Variants in CDHR5 observed in about 807,000 individuals in gnomAD.
The protein encoded by CDHR5 is cadherin-related family member 5.
A neutral mutation model predicts 69.5 loss-of-function variants in CDHR5; 82 were observed. That is an observed-to-expected ratio of 1.18 (90% CI 0.99 to 1.42). CDHR5 has a LOEUF of 1.42. Among genes scored for constraint, CDHR5 ranks in the 40% most tolerant of loss-of-function variants. The pLI is 0.00. For missense variants in CDHR5, 1,293 were observed against 1,168.9 expected (o/e 1.11, Z -1.55); for synonymous variants, 601 against 510.2 (o/e 1.18, Z -2.40).
intron 11 of CDHR5, 34 bp from the exon 12 acceptor site, chr11:619,424 C>A: frequency 1.2e-6 from 2 of 1,608,018 alleles, no homozygotes; most frequent in Non-Finnish European, 1.7e-6. Context: ...CTCCTAGACA[C>A]ATCTTTAAGC....
At position 619,681 on chromosome 11, in the gene CDHR5, C is replaced by T. The variant is rs372772878; in HGVS notation, c.1179G>A (p.Ser393=). 2.2e-5 allele frequency: 36 copies of T among 1,613,170 alleles called. No homozygotes were observed. Among genetic ancestry groups the T allele is most frequent in the African/African-American group, 6.7e-5 (5 of 74,912 alleles). ...LRIQAQDPEF[S]DLNSAITYRI... ...GGGAGGCCTTGGATGCACTCTCTACCGAGAACTCCGGGTCCTGAGCCTGGA... is the reference window on the plus strand; with the variant it reads ...GGGAGGCCTTGGATGCACTCTCTACTGAGAACTCCGGGTCCTGAGCCTGGA... Residue 393 remains serine, a splice_region_variant and synonymous_variant, in exon 10 of 15, where the codon TCG becomes TCA. Coordinates refer to ENST00000397542, the MANE Select transcript of CDHR5 (RefSeq NM_021924.5).
rs1564891412 is a variant in CDHR5, at chr11:617,609, C to T, written c.2280G>A (p.Glu760=). ...CGCCAGCTCGGGCCGCTGCGGGGGG[C>T]TCAGGGGCACCGCCTGGGGAGGCAG... is the stretch of plus-strand genomic sequence containing the variant. ...PGPASPGGAP[E]PPAAARAGGS... The change falls in exon 15 of 15, where the codon GAG becomes GAA. Residue 760 remains glutamate, a synonymous_variant. Transcript: ENST00000397542. 6.9e-6 allele frequency: 11 copies of T among 1,602,054 alleles called. No homozygotes were observed. Among genetic ancestry groups the T allele is most frequent in the Non-Finnish European group, 7.7e-6 (9 of 1,174,740 alleles).
chr11:619,126 G>A lies in CDHR5; in HGVS notation c.1433C>T (p.Thr478Ile), dbSNP rs1159215056. The change falls in exon 13 of 15, where the codon ACT becomes ATT. Residue 478 changes from threonine (T) to isoleucine (I), a missense_variant. By Grantham distance (89) the Thr-to-Ile change is moderately conservative. Transcript: ENST00000397542. ...GGTTGPWTST[T>I]SEVPRPPEPS... ...CTCAGGGGGTCTGGGGACCTCGGAA[G>A]TGGTGCTGGTCCAGGGCCCAGTTGT... The A allele has an allele frequency of 1.3e-6, 2 of 1,593,516 alleles. No homozygotes were observed. Among genetic ancestry groups the A allele is most frequent in the African/African-American group, 2.7e-5 (2 of 74,182 alleles).
In CDHR5 at chr11:619,491, C is replaced by T; in HGVS notation, c.1276G>A (p.Gly426Arg). The change falls in exon 11 of 15, where the codon GGA becomes AGA. Residue 426 changes from glycine (G) to arginine (R), a missense_variant. Physicochemically the swap from Gly to Arg is moderately radical, Grantham distance 125 (BLOSUM62 -2). Coordinates refer to ENST00000397542, the MANE Select transcript of CDHR5 (RefSeq NM_021924.5). ...VLTTTTLAQA[G>R]AFYAEVEAHN... is the part of the protein sequence containing the mutation. ...CCCCGCACCTCTGCGTAGAAGGCTC[C>T]CGCCTGTGCCAGTGTGGTGGTGGTC... 6.2e-7 allele frequency: 1 copy of T among 1,613,466 alleles called. No individual in the cohort carries two copies. Among genetic ancestry groups the T allele is most frequent in the Non-Finnish European group, 8.5e-7 (1 of 1,179,464 alleles).
In CDHR5 at chr11:621,098, G is replaced by T; in HGVS notation, c.771C>A (p.Val257=). The change falls in exon 7 of 15, where the codon GTC becomes GTA. Residue 257 remains valine (V), a synonymous_variant. Coordinates refer to ENST00000397542, the MANE Select transcript of CDHR5 (RefSeq NM_021924.5). The surrounding 1 kb of genome is among the most constrained non-coding windows in gnomAD (Gnocchi z 4.4). ...CCATTACCAGTATGTGCCCCGTGGG[G>T]ACAGCCCCGTGGTACTGAGCTTGAA... ...VCIQAQYHGA[V]PTGHILPSPL... 1 of 1,549,202 alleles carries T rather than the reference G, an allele frequency of 6.5e-7. No individual in the cohort carries two copies. Among genetic ancestry groups the T allele is most frequent in the Admixed American group, 1.9e-5 (1 of 52,132 alleles).
rs1856964043 is a variant in CDHR5 at position 617,232 on chromosome 11, GCC to G, written c.*117_*118del. The G allele has an allele frequency of 2.6e-6, 2 of 767,604 alleles. No homozygotes were observed. Among genetic ancestry groups the G allele is most frequent in the East Asian group, 5.4e-5 (2 of 37,050 alleles). 47.5% of individuals were successfully genotyped at this position (767,604 alleles called of 1,614,324 possible). On this transcript the variant is annotated 3_prime_UTR_variant, in exon 15 of 15. Coordinates refer to ENST00000397542, the MANE Select transcript of CDHR5 (RefSeq NM_021924.5). The stretch of plus-strand genomic sequence containing the variant: ...GAATGGGACCCCCATGGACCCGCGC[GCC>G]TGCCCCACGCCATGGCCTGGGTTTC...
chr11:621,625 T>C lies in CDHR5; in HGVS notation c.444A>G (p.Gln148=), dbSNP rs757079980. The change falls in exon 5 of 15, where the codon CAA becomes CAG. Residue 148 remains glutamine, a synonymous_variant. Transcript: ENST00000397542. The surrounding 1 kb of genome is among the most constrained non-coding windows in gnomAD (Gnocchi z 4.4). ...CCTTGTCGCGGTCCTCAGCCTGCAG[T>C]TGCGTCTCGGGGATGACGGTGGAGT... ...KVNSTVIPET[Q]LQAEDRDKDD... 3 of 1,613,744 alleles carry C rather than the reference T, an allele frequency of 1.9e-6. No individual in the cohort carries two copies. The highest frequency in any genetic ancestry group is 1.7e-5 in the Admixed American group (1 of 59,990).
In CDHR5 at chr11:617,205, GTGAA is replaced by G. The variant is rs1856960629; in HGVS notation, c.*142_*145del. On this transcript the variant is annotated 3_prime_UTR_variant, in exon 15 of 15. Coordinates refer to ENST00000397542, the MANE Select transcript of CDHR5 (RefSeq NM_021924.5). ...AGCGCTAATGACGACAGGGGACTGA[GTGAA>G]TGGGACCCCCATGGACCCGCGCGCC... is the stretch of plus-strand genomic sequence containing the variant. 4.7e-6 allele frequency: 3 copies of G among 644,252 alleles called. No homozygotes were observed. Among genetic ancestry groups the G allele is most frequent in the South Asian group, 3.9e-5 (2 of 51,512 alleles). 39.9% of individuals were successfully genotyped at this position (644,252 alleles called of 1,614,324 possible). A position where few individuals can be genotyped will look rare whatever the true frequency, so the allele number is the denominator to read the frequency against.
At position 624,939 on chromosome 11, in the gene CDHR5, G is replaced by T; in HGVS notation, c.-37C>A. 4 of 1,498,546 alleles carry T rather than the reference G, an allele frequency of 2.7e-6. No individual in the cohort carries two copies. The highest frequency in any genetic ancestry group is 2.1e-5 in the Admixed American group (1 of 48,090). 92.8% of individuals were successfully genotyped at this position (1,498,546 alleles called of 1,614,324 possible). A position where few individuals can be genotyped will look rare whatever the true frequency, so the allele number is the denominator to read the frequency against. On this transcript the variant is annotated 5_prime_UTR_variant, in exon 1 of 15. Coordinates refer to ENST00000397542, the MANE Select transcript of CDHR5 (RefSeq NM_021924.5). This position sits in a 1 kb window ranked among gnomAD's most constrained non-coding sequence, Gnocchi z 5.3. ...TCACCTGGCAGGAGGGTCTGAGCGG[G>T]TCTGGCGTCTAGGACTGGCGCAGTT...
rs1454827149 is a variant in CDHR5 at position 619,835 on chromosome 11, A to G, written c.1025T>C (p.Val342Ala). The change falls in exon 10 of 15, where the codon GTG becomes GCG. Residue 342 changes from valine to alanine, a missense_variant. Transcript: ENST00000397542. ...LARYSVTQVT[V>A]EAVAAAGSPP... ...GCTCCCGGCCGCAGCCACAGCCTCCACGGTGACCTGGGTCACTGAGTAGCG... is the reference window on the plus strand; with the variant it reads ...GCTCCCGGCCGCAGCCACAGCCTCCGCGGTGACCTGGGTCACTGAGTAGCG... 6.4e-7 allele frequency: 1 copy of G among 1,569,300 alleles called. No homozygotes were observed. The highest frequency in any genetic ancestry group is 8.6e-7 in the Non-Finnish European group (1 of 1,161,600).
Position 624,790 on chromosome 11 carries a change from T to G in CDHR5, c.85+28A>C. On this transcript the variant is annotated intron_variant, in intron 1 of 14. Coordinates refer to ENST00000397542, the MANE Select transcript of CDHR5 (RefSeq NM_021924.5). The surrounding 1 kb of genome is among the most constrained non-coding windows in gnomAD (Gnocchi z 5.3). The stretch of plus-strand genomic sequence containing the variant: ...CCAGCCCCTGGCTCCCCGCCGCCCG[T>G]GCCCCACCTACCCCTGCCCGCACAT... 2 of 1,606,214 alleles carry G rather than the reference T, an allele frequency of 1.2e-6. No homozygotes were observed. Among genetic ancestry groups the G allele is most frequent in the Non-Finnish European group, 8.5e-7 (1 of 1,175,272 alleles).
Position 621,215 on chromosome 11 carries a change from AG to A in CDHR5, c.653del (p.Thr218MetfsTer6). 1 of 1,598,728 alleles carries A rather than the reference AG, an allele frequency of 6.3e-7. No homozygotes were observed. The highest frequency in any genetic ancestry group is 8.5e-7 in the Non-Finnish European group (1 of 1,170,988). ...CGTTCAGCACTAGTGTGGCGGTGGC[AG>A]TGTGGCTGGGTTCCACATTCTCCCC... ...TPGENVEPSHTATATLVLNVV... is the reference protein window; with the variant it reads ...TPGENVEPSHXATATLVLNVV... On this transcript the variant is annotated frameshift_variant, in exon 7 of 15. Coordinates refer to ENST00000397542, the MANE Select transcript of CDHR5 (RefSeq NM_021924.5). LOFTEE classifies it high-confidence loss of function. This position sits in a 1 kb window ranked among gnomAD's most constrained non-coding sequence, Gnocchi z 4.4.
intron 3 of CDHR5, among the ~76,000 whole-genome samples, chr11:622,627 C>T (rs1857479085): frequency 6.6e-6 from 1 of 152,106 alleles, no homozygotes; most frequent in East Asian, 1.9e-4. Context: ...AGGTGCCTGC[C>T]ACCATGCCCA....
chr11:617,723 G>C lies in CDHR5; in HGVS notation c.2166C>G (p.His722Gln). 6.8e-7 allele frequency: 1 copy of C among 1,461,418 alleles called. No individual in the cohort carries two copies. Among genetic ancestry groups the C allele is most frequent in the Middle Eastern group, 1.9e-4 (1 of 5,390 alleles). 90.5% of individuals were successfully genotyped at this position (1,461,418 alleles called of 1,614,324 possible). The stretch of plus-strand genomic sequence containing the variant: ...TGGGGACGGGCGCCCAGTTGGCCTT[G>C]TGGTCAGGGAGGAACGCCTGGTTGT... ...GFDNQAFLPD[H>Q]KANWAPVPSP... The change falls in exon 15 of 15, where the codon CAC (histidine) becomes CAG (glutamine). Residue 722 changes from histidine (H) to glutamine (Q), a missense_variant. Physicochemically the swap from His to Gln is conservative, Grantham distance 24. Transcript: ENST00000397542.
At position 617,449 on chromosome 11, in the gene CDHR5, C is replaced by T; in HGVS notation, c.2440G>A (p.Asp814Asn). ...CCGCTGCCGGAGTCACTGGCGCCAT[C>T]CACGTCCAGGGTGGGCGCGTTGAGA... ...VVLNAPTLDV[D>N]GASDSGSGDE... Residue 814 changes from aspartate to asparagine, a missense_variant, in exon 15 of 15, where the codon GAT (aspartate) becomes AAT (asparagine). Coordinates refer to ENST00000397542, the MANE Select transcript of CDHR5 (RefSeq NM_021924.5). The T allele has an allele frequency of 6.2e-7, 1 of 1,612,588 alleles. No homozygotes were observed. Among genetic ancestry groups the T allele is most frequent in the Non-Finnish European group, 8.5e-7 (1 of 1,179,780 alleles).
Position 619,594 on chromosome 11 carries a change from A to C in CDHR5, c.1180-7T>G. The C allele has an allele frequency of 6.2e-7, 1 of 1,610,202 alleles. No homozygotes were observed. The highest frequency in any genetic ancestry group is 8.5e-7 in the Non-Finnish European group (1 of 1,176,576). ...TGATGGCCGAGTTGAGGTCCTGGACAGGGTCTCATTGAGTCCCCGGCCAGG... is the reference window on the plus strand; with the variant it reads ...TGATGGCCGAGTTGAGGTCCTGGACCGGGTCTCATTGAGTCCCCGGCCAGG... On this transcript the variant is annotated splice_region_variant and splice_polypyrimidine_tract_variant and intron_variant, in intron 10 of 14. Transcript: ENST00000397542.
Position 624,351 on chromosome 11 carries a change from C to A in CDHR5, c.262-88G>T. 1.4e-6 allele frequency: 1 copy of A among 732,780 alleles called. No individual in the cohort carries two copies. Among genetic ancestry groups the A allele is most frequent in the East Asian group, 2.6e-5 (1 of 37,742 alleles). The allele number at this position is 732,780 out of a possible 1,614,324, so 45.4% of individuals were successfully genotyped here. ...GTGGGCAGGCGCTGGCCCAGGGTCCCCATCATCAGTGGTCAGTGCTGAGGG... is the reference window on the plus strand; with the variant it reads ...GTGGGCAGGCGCTGGCCCAGGGTCCACATCATCAGTGGTCAGTGCTGAGGG... On this transcript the variant is annotated intron_variant, in intron 2 of 14. Coordinates refer to ENST00000397542, the MANE Select transcript of CDHR5 (RefSeq NM_021924.5). The surrounding 1 kb of genome is among the most constrained non-coding windows in gnomAD (Gnocchi z 5.3).
rs752124353 is a variant in CDHR5, at chr11:621,814, C to T, written c.403G>A (p.Glu135Lys). Residue 135 changes from glutamate (E) to lysine (K), a missense_variant and splice_region_variant, in exon 4 of 15, where the codon GAG (glutamate) becomes AAG (lysine). Physicochemically the swap from Glu to Lys is moderately conservative, Grantham distance 56. Coordinates refer to ENST00000397542, the MANE Select transcript of CDHR5 (RefSeq NM_021924.5). The surrounding 1 kb of genome is among the most constrained non-coding windows in gnomAD (Gnocchi z 4.4). Reference protein sequence around the residue: ...PFKTKEIRVEEDTKVNSTVIP... With the variant: ...PFKTKEIRVEKDTKVNSTVIP... Reference sequence around the variant, plus strand: ...CCCCGCGGCTTCGCTGGCCTCACCTCCTCCACCCTTATCTCCTTGGTCTTA... The same window carrying T: ...CCCCGCGGCTTCGCTGGCCTCACCTTCTCCACCCTTATCTCCTTGGTCTTA... The T allele has an allele frequency of 3.7e-6, 6 of 1,612,776 alleles. No homozygotes were observed. Among genetic ancestry groups the T allele is most frequent in the Admixed American group, 1.7e-5 (1 of 59,976 alleles).
In CDHR5 at chr11:618,014, G is replaced by A. The variant is rs377660837; in HGVS notation, c.2058C>T (p.Leu686=). Residue 686 remains leucine (L), a synonymous_variant, in exon 14 of 15, where the codon CTC becomes CTT. Coordinates refer to ENST00000397542, the MANE Select transcript of CDHR5 (RefSeq NM_021924.5). ...CATAGTGCTTGTGGACAAGGACGGC[G>A]AGGCCAAGGAGAGCCAGCAGCAGCA... ...GALLLLALLG[L]AVLVHKHYGP... is the part of the protein sequence containing the mutation. The A allele has an allele frequency of 8.7e-6, 14 of 1,612,360 alleles. No individual in the cohort carries two copies. The highest frequency in any genetic ancestry group is 1.6e-4 in the Middle Eastern group (1 of 6,062).
Sources: gnomAD v4.1 joint callset for allele counts (sites outside exome capture counted in the v4.1 genomes callset) on GRCh38, gnomAD v4.1.1 for gene constraint, Gnocchi (gnomAD v3.1) non-coding constraint, MANE v1.5 for transcripts, NCBI Gene and HGNC (gene_info 2026-07-23, HGNC 2026-07-21) for gene names.